HMGCLL1: variants seen among roughly 807,000 people sequenced by gnomAD.
The protein encoded by HMGCLL1 is 3-hydroxy-3-methylglutaryl-CoA lyase like 1, also known as 3-hydroxymethyl-3-methylglutaryl-CoA lyase, cytoplasmic.
HMGCLL1 carries 36 observed loss-of-function variants against 39.1 expected under a neutral mutation model. That is an observed-to-expected ratio of 0.92 (90% CI 0.71 to 1.22). HMGCLL1 has a LOEUF of 1.22. HMGCLL1 is among the 50% of genes most tolerant of loss of function. HMGCLL1 has a pLI of 0.00. For synonymous variants in HMGCLL1, 149 were observed against 144.0 expected (o/e 1.03, Z -0.25); for missense variants, 451 against 416.5 (o/e 1.08, Z -0.72).
intron 1 of HMGCLL1, among the ~76,000 whole-genome samples, chr6:55,543,660 C>T (rs533099248): frequency 6.8e-6 from 1 of 147,086 alleles, no homozygotes; most frequent in South Asian, 2.1e-4. Context: ...TTGAGACCAG[C>T]CAGGGCAACA....
chr6:55,607,451 T>C, the HMGCLL1 span, among the ~76,000 whole-genome samples: 1 of 152,176 alleles, frequency 6.6e-6, no homozygotes, highest in Non-Finnish European at 1.5e-5. Context: ...GTTGCTGCAC[T>C]AGCTTCTGGG....
chr6:55,644,589 C>A, the HMGCLL1 span, among the ~76,000 whole-genome samples: 4 of 151,978 alleles, frequency 2.6e-5, no homozygotes, highest in East Asian at 3.9e-4. Flanking sequence ...GCAAGAGATA[C>A]AAACCAAGTT....
chr6:55,530,336 T>G (rs1768591391), intron 3 of HMGCLL1, among the ~76,000 whole-genome samples: 1 of 151,976 alleles, frequency 6.6e-6, no homozygotes, highest in Non-Finnish European at 1.5e-5. Context: ...AATGACAAAT[T>G]TAAATTTGTC....
At chr6:55,478,172 T>C (rs1482106754) in intron 7 of HMGCLL1, among the ~76,000 whole-genome samples, 1 of 151,088 alleles carries the variant, frequency 6.6e-6, no homozygotes, top group Non-Finnish European at 1.5e-5. Flanking sequence ...CATAACCTTT[T>C]TACAATAATC....
At chr6:55,603,112 G>A in the HMGCLL1 span, among the ~76,000 whole-genome samples, 52 of 152,042 alleles carry the variant, frequency 3.4e-4, no homozygotes, top group African/African-American at 9.2e-4. Context: ...TAAGTCTACC[G>A]CCTCTTCAGA....
At position 55,510,342 on chromosome 6, in the gene HMGCLL1, G is replaced by C. The variant is rs549787934; in HGVS notation, c.542+3706C>G. 5.3e-5 allele frequency among the ~76,000 whole-genome samples: 8 copies of C among 151,774 alleles called. No individual in the cohort carries two copies. The East Asian group carries it at 9.8e-4, about 19-fold the overall frequency. On this transcript the variant is annotated intron_variant, in intron 5 of 8. Coordinates refer to ENST00000274901, the MANE Select transcript of HMGCLL1 (RefSeq NM_001042406.2). Reference sequence around the variant, plus strand: ...TGCTGCTATAAAGACACATGCACACGTATGTTTATTGCGGCACTATTCACA... The same window carrying C: ...TGCTGCTATAAAGACACATGCACACCTATGTTTATTGCGGCACTATTCACA...
chr6:55,498,711 C>T (rs903704879), intron 6 of HMGCLL1, among the ~76,000 whole-genome samples: 5 of 151,960 alleles, frequency 3.3e-5, no homozygotes, highest in Non-Finnish European at 5.9e-5. Flanking sequence ...GTAATCAGGG[C>T]CTTAATGACT....
intron 5 of HMGCLL1, 46 bp downstream of exon 5, chr6:55,514,002 A>C: frequency 6.4e-7 from 1 of 1,550,554 alleles, no homozygotes; most frequent in Non-Finnish European, 8.8e-7. Flanking sequence ...AGTAAGCTTT[A>C]ACAATAAACA....
chr6:55,668,885 C>T, the HMGCLL1 span, among the ~76,000 whole-genome samples: 1 of 151,738 alleles, frequency 6.6e-6, no homozygotes, highest in African/African-American at 2.4e-5. Context: ...CAACAGGAAT[C>T]AGTAGGGTAT....
chr6:55,565,945 T>C (rs1771190663), intron 1 of HMGCLL1, among the ~76,000 whole-genome samples: 1 of 152,072 alleles, frequency 6.6e-6, no homozygotes, highest in Non-Finnish European at 1.5e-5. Context: ...TCCACAGTTT[T>C]CTATAAAATG....
At chr6:55,555,019 T>A (rs1770572036) in intron 1 of HMGCLL1, among the ~76,000 whole-genome samples, 1 of 152,198 alleles carries the variant, frequency 6.6e-6, no homozygotes, top group South Asian at 2.1e-4. Context: ...TCCTAATACT[T>A]TGAAAACATC....
rs550996683 is a variant in HMGCLL1, at chr6:55,463,305, T to C, written c.796-23746A>G. 1.5e-4 allele frequency among the ~76,000 whole-genome samples: 23 copies of C among 152,238 alleles called. No homozygotes were observed. In the East Asian group the frequency reaches 4.3e-3, roughly 28 times the overall value. On this transcript the variant is annotated intron_variant, in intron 7 of 8. Coordinates refer to ENST00000274901, the MANE Select transcript of HMGCLL1 (RefSeq NM_001042406.2). ...CCTCGGCCTCCCAAAGTCATGGCAT[T>C]ACAGGAGTGAGCCACTGTGCCCGGC...
At chr6:55,615,669 T>C in the HMGCLL1 span, among the ~76,000 whole-genome samples, 1 of 152,182 alleles carries the variant, frequency 6.6e-6, no homozygotes, top group Admixed American at 6.6e-5. Context: ...TTCTGAATAA[T>C]AGTATCTGGT....
chr6:55,580,502 T>TC (rs1319756984), upstream of HMGCLL1, among the ~76,000 whole-genome samples: 11 of 132,924 alleles, frequency 8.3e-5, no homozygotes, highest in African/African-American at 1.4e-4. Flanking sequence ...TGAAAGCTTC[T>TC]CCCCCCAGGT....
chr6:55,663,106 T>C, the HMGCLL1 span, among the ~76,000 whole-genome samples: 1 of 151,492 alleles, frequency 6.6e-6, no homozygotes, highest in Non-Finnish European at 1.5e-5. Flanking sequence ...TAGTGACCTA[T>C]CTTATTAATT....
the HMGCLL1 span, among the ~76,000 whole-genome samples, chr6:55,620,081 C>A: frequency 5.1e-4 from 77 of 152,182 alleles, 5 homozygotes; most frequent in South Asian, 0.015. Flanking sequence ...ATTATCCATT[C>A]ATTTGTTGAT....
At chr6:55,486,462 G>T (rs1056702101) in intron 7 of HMGCLL1, among the ~76,000 whole-genome samples, 9 of 151,892 alleles carry the variant, frequency 5.9e-5, no homozygotes, top group African/African-American at 1.7e-4. Flanking sequence ...CATGTTTGTG[G>T]CCCTGTGGAA....
At chr6:55,535,825 C>G (rs560203703) in intron 3 of HMGCLL1, among the ~76,000 whole-genome samples, 1 of 152,244 alleles carries the variant, frequency 6.6e-6, no homozygotes, top group South Asian at 2.1e-4. Flanking sequence ...TATAAGCAAG[C>G]AATTTGGGGG....
chr6:55,595,764 A>C, the HMGCLL1 span, among the ~76,000 whole-genome samples: 1 of 152,118 alleles, frequency 6.6e-6, no homozygotes, highest in Non-Finnish European at 1.5e-5. Flanking sequence ...TGGGGGAAAT[A>C]CTCTGTTAAT....
Sources: gnomAD v4.1 joint callset for allele counts (sites outside exome capture counted in the v4.1 genomes callset) on GRCh38, gnomAD v4.1.1 for gene constraint, MANE v1.5 for transcripts, NCBI Gene and HGNC (gene_info 2026-07-23, HGNC 2026-07-21) for gene names.